The following PIK3R6 variants were observed in gnomAD, a reference collection of about 807,000 sequenced individuals.
PIK3R6 encodes phosphoinositide-3-kinase regulatory subunit 6, also known as phosphoinositide 3-kinase regulatory subunit 6.
In PIK3R6, 91 loss-of-function variants were observed where a neutral mutation model predicts 84.9. The ratio of observed to expected loss-of-function variants is 1.07; its 90% CI spans 0.90 to 1.28. The LOEUF (loss-of-function observed/expected upper bound fraction) is 1.28, where lower values mean the gene tolerates loss of function less well. Ranked by LOEUF, PIK3R6 falls within the 50% of genes most tolerant of loss-of-function variation. PIK3R6 has a pLI of 0.00. For synonymous variants in PIK3R6, 416 were observed against 411.4 expected (o/e 1.01, Z -0.13); for missense variants, 996 against 985.1 (o/e 1.01, Z -0.15).
chr17:8,856,516 C>T (rs770220876), intron 1 of PIK3R6, among the ~76,000 whole-genome samples: 4 of 152,296 alleles, frequency 2.6e-5, no homozygotes, highest in African/African-American at 4.8e-5. Context: ...GCAGGAGAAT[C>T]GCTTGAACCC....
Position 8,828,946 on chromosome 17 carries a change from G to A in PIK3R6, c.934C>T (p.Leu312Phe), listed in dbSNP as rs2088058059. The A allele has an allele frequency of 6.6e-7, 1 of 1,507,536 alleles. No homozygotes were observed. The highest frequency in any genetic ancestry group is 1.8e-4 in the Middle Eastern group (1 of 5,572). The allele number at this position is 1,507,536 out of a possible 1,614,324, so 93.4% of individuals were successfully genotyped here. Residue 312 changes from leucine (L) to phenylalanine (F), a missense_variant, in exon 11 of 20, where the codon CTC becomes TTC. Leu to Phe is a conservative substitution (Grantham distance 22). Transcript: ENST00000619866. ...LFLRPRSQLR[L>F]SADLEVLDLQ... is the part of the protein sequence containing the mutation. ...TCCAAGACCTCCAAGTCAGCACTGA[G>A]GCGCAGCTGGGATCTTGGGCGGAGG...
Position 8,862,032 on chromosome 17 carries a change from A to C in PIK3R6, c.-92+5497T>G, listed in dbSNP as rs1401561558. Among the ~76,000 whole-genome samples, 1 of 152,230 alleles carries C rather than the reference A, an allele frequency of 6.6e-6. No homozygotes were observed. Among genetic ancestry groups the C allele is most frequent in the Non-Finnish European group, 1.5e-5 (1 of 68,032 alleles). ...ACAGTGTATGATAAGTGCTTCATTA[A>C]GATAGAAAGGGCATTAAATGTGTGG... On this transcript the variant is annotated intron_variant, in intron 1 of 19. Coordinates refer to ENST00000619866, the MANE Select transcript of PIK3R6 (RefSeq NM_001010855.4). This position sits in a 1 kb window ranked among gnomAD's most constrained non-coding sequence, Gnocchi z 4.3.
At position 8,810,702 on chromosome 17, in the gene PIK3R6, C is replaced by T. The variant is rs2151179659; in HGVS notation, c.1996-6549G>A. On this transcript the variant is annotated intron_variant, in intron 18 of 19. Coordinates refer to ENST00000619866, the MANE Select transcript of PIK3R6 (RefSeq NM_001010855.4). ...CTGAAGTCCAGAAGGGGAGTCAAAT[C>T]TTAAACCTCCAAAATGATCTCCTTT... Among the ~76,000 whole-genome samples the T allele has an allele frequency of 1.3e-5, 2 of 148,776 alleles. 1 individual carries two copies. Among genetic ancestry groups the T allele is most frequent in the African/African-American group, 5.0e-5 (2 of 40,038 alleles).
intron 18 of PIK3R6, among the ~76,000 whole-genome samples, chr17:8,806,146 G>A (rs2087199868): frequency 6.6e-6 from 1 of 152,192 alleles, no homozygotes; most frequent in African/African-American, 2.4e-5. Flanking sequence ...GGGAGGGTGG[G>A]CGAAAGCCAG....
chr17:8,861,855 G>A (rs575229357), intron 1 of PIK3R6, among the ~76,000 whole-genome samples: 6 of 152,308 alleles, frequency 3.9e-5, no homozygotes, highest in Non-Finnish European at 7.4e-5. Flanking sequence ...GTGAAAAGGC[G>A]AAAGTTCTCA....
rs541543110 is a variant in PIK3R6, at chr17:8,842,655, G to A, written c.14-2958C>T. Among the ~76,000 whole-genome samples, 12 of 152,016 alleles carry A rather than the reference G, an allele frequency of 7.9e-5. No homozygotes were observed. The highest frequency in any genetic ancestry group is 3.3e-4 in the Admixed American group (5 of 15,276). ...AGAGTTTGCCATTATAGGTGAGTGT[G>A]TATTCTCCAGTTGTCAGACAACACA... On this transcript the variant is annotated intron_variant, in intron 2 of 19. Transcript: ENST00000619866. This position sits in a 1 kb window ranked among gnomAD's most constrained non-coding sequence, Gnocchi z 4.5.
chr17:8,857,700 A>G (rs113259939), intron 1 of PIK3R6, among the ~76,000 whole-genome samples: 3,374 of 152,262 alleles, frequency 0.022, 57 homozygotes, highest in Middle Eastern at 0.037. Context: ...AGGGATCGAG[A>G]CCATCCTAGC....
intron 2 of PIK3R6, among the ~76,000 whole-genome samples, chr17:8,848,439 T>C (rs1311832609): frequency 6.6e-6 from 1 of 151,474 alleles, no homozygotes; most frequent in Non-Finnish European, 1.5e-5. Context: ...TGTATGAATA[T>C]CACAGAGTGC....
intron 5 of PIK3R6, among the ~76,000 whole-genome samples, 167 bp downstream of exon 5, chr17:8,837,636 T>G (rs2088523960): frequency 6.6e-6 from 1 of 152,008 alleles, no homozygotes; most frequent in East Asian, 1.9e-4. Context: ...TCTCTCCATA[T>G]GGGAGGGAAA....
intron 8 of PIK3R6, among the ~76,000 whole-genome samples, chr17:8,834,937 A>G (rs2088400977): frequency 6.6e-6 from 1 of 151,986 alleles, no homozygotes; most frequent in African/African-American, 2.4e-5. Flanking sequence ...TTCCGGGTTC[A>G]AGCTATTCTC....
In PIK3R6 at chr17:8,857,393, G is replaced by A. The variant is rs541573922; in HGVS notation, c.-91-7508C>T. ...TAGAGCCCAGATCTCAACCTGGGGC[G>A]TGGGGTCATGGCCACTTCCCCTGAC... On this transcript the variant is annotated intron_variant, in intron 1 of 19. Coordinates refer to ENST00000619866, the MANE Select transcript of PIK3R6 (RefSeq NM_001010855.4). Among the ~76,000 whole-genome samples the A allele has an allele frequency of 6.6e-5, 10 of 152,324 alleles. No individual in the cohort carries two copies. The East Asian group carries it at 1.2e-3, about 18-fold the overall frequency.
At position 8,827,550 on chromosome 17, in the gene PIK3R6, A is replaced by T. The variant is rs549292385; in HGVS notation, c.1393-256T>A. On this transcript the variant is annotated intron_variant, in intron 12 of 19. Transcript: ENST00000619866. ...AAGGGGAGAGACAAGTATGGCTTTG[A>T]CCTTACTGCTTCCCAATAGGAAGTG... Among the ~76,000 whole-genome samples, 5 of 152,182 alleles carry T rather than the reference A, an allele frequency of 3.3e-5. No homozygotes were observed. The South Asian group carries it at 1.0e-3, about 32-fold the overall frequency.
chr17:8,838,508 A>G (rs750071196), intron 4 of PIK3R6, 56 bp downstream of exon 4: 9 of 1,511,912 alleles, frequency 6.0e-6, no homozygotes, highest in South Asian at 2.4e-5. Flanking sequence ...CCCCTGCCCA[A>G]TTGGCCCCTC....
chr17:8,835,096 C>T (rs2088406870), intron 8 of PIK3R6, among the ~76,000 whole-genome samples, 177 bp downstream of exon 8: 1 of 152,166 alleles, frequency 6.6e-6, no homozygotes, highest in African/African-American at 2.4e-5. Flanking sequence ...CCTCAGCCTC[C>T]CAAAGTGCTG....
At chr17:8,827,738 A>AAG (rs2087973281) in intron 12 of PIK3R6, among the ~76,000 whole-genome samples, 2 of 66,140 alleles carry the variant, frequency 3.0e-5, no homozygotes, top group Admixed American at 2.1e-4. Flanking sequence ...GAGGGGAGGG[A>AAG]AGGGGAGAGA....
At chr17:8,805,257 A>C (rs1481359672) in intron 18 of PIK3R6, among the ~76,000 whole-genome samples, 1 of 152,172 alleles carries the variant, frequency 6.6e-6, no homozygotes, top group Non-Finnish European at 1.5e-5. Context: ...GCTACCTTTT[A>C]GGATTGTTGT....
At chr17:8,830,514 T>C (rs2088197786) in intron 9 of PIK3R6, among the ~76,000 whole-genome samples, 1 of 152,228 alleles carries the variant, frequency 6.6e-6, no homozygotes, top group Admixed American at 6.5e-5. Context: ...GCAAGCTTCT[T>C]AGGGGAGAGC....
chr17:8,829,513 T>G (rs1205109629), intron 10 of PIK3R6, among the ~76,000 whole-genome samples, 193 bp downstream of exon 10: 1 of 102,838 alleles, frequency 9.7e-6, no homozygotes, highest in African/African-American at 4.3e-5. Context: ...CACACACTCA[T>G]GCATACACAC....
At chr17:8,838,091 G>A (rs144459533) in intron 4 of PIK3R6, among the ~76,000 whole-genome samples, 1 of 152,264 alleles carries the variant, frequency 6.6e-6, no homozygotes, top group African/African-American at 2.4e-5. Context: ...GGGCCTCAGA[G>A]AACTCTGCAG....
Sources: allele counts gnomAD v4.1 joint callset (sites outside exome capture counted in the v4.1 genomes callset), GRCh38; gene constraint gnomAD v4.1.1; non-coding constraint Gnocchi (gnomAD v3.1); transcripts MANE v1.5; gene names NCBI Gene and HGNC (gene_info 2026-07-23, HGNC 2026-07-21).